Variants in MDGA2 observed in about 807,000 individuals in gnomAD.
MDGA2 encodes MAM domain containing glycosylphosphatidylinositol anchor 2.
A neutral mutation model predicts 117.8 loss-of-function variants in MDGA2; 40 were observed. The ratio of observed to expected loss-of-function variants is 0.34; its 90% CI spans 0.26 to 0.44. The LOEUF (loss-of-function observed/expected upper bound fraction) is 0.44. Among genes scored for constraint, MDGA2 ranks in the 20% least tolerant of loss-of-function variants. The pLI is 1.00. For missense variants in MDGA2, 1,123 were observed against 1,250.6 expected (o/e 0.90, Z 1.54); for synonymous variants, 452 against 439.0 (o/e 1.03, Z -0.37).
chr14:47,453,568 G>T (rs889692688), intron 1 of MDGA2, among the ~76,000 whole-genome samples: 1 of 151,944 alleles, frequency 6.6e-6, no homozygotes, highest in Non-Finnish European at 1.5e-5. Flanking sequence ...ACTCTTCTTG[G>T]TAATTTCTTA....
At chr14:47,655,729 T>C (rs532588102) in intron 1 of MDGA2, among the ~76,000 whole-genome samples, 15 of 152,130 alleles carry the variant, frequency 9.9e-5, no homozygotes, top group Non-Finnish European at 1.5e-4. Flanking sequence ...CAGAACACTT[T>C]AGATCTAAGA....
At chr14:47,170,824 A>T (rs1359281953) in intron 3 of MDGA2, among the ~76,000 whole-genome samples, 1 of 152,094 alleles carries the variant, frequency 6.6e-6, no homozygotes, top group East Asian at 1.9e-4. Flanking sequence ...ATTCAGCTGT[A>T]TTTTCATTTT....
intron 3 of MDGA2, among the ~76,000 whole-genome samples, chr14:47,185,860 G>A (rs1011240156): frequency 2.6e-5 from 4 of 151,100 alleles, no homozygotes; most frequent in East Asian, 1.9e-4. Context: ...ATATTTAGTC[G>A]CATTAAGATA....
chr14:47,200,670 GT>G, intron 3 of MDGA2: 1 of 1,117,704 alleles, frequency 8.9e-7, no homozygotes, highest in Non-Finnish European at 1.3e-6. Context: ...CTCAAGAGCT[GT>G]TTCTTCTTCC....
intron 2 of MDGA2, among the ~76,000 whole-genome samples, chr14:47,301,083 A>G (rs1284658140): frequency 1.3e-5 from 2 of 152,176 alleles, no homozygotes; most frequent in Non-Finnish European, 2.9e-5. Flanking sequence ...TTGCCATATG[A>G]ATTGTTATCC....
At chr14:47,507,649 C>G (rs946570690) in intron 1 of MDGA2, among the ~76,000 whole-genome samples, 2 of 152,190 alleles carry the variant, frequency 1.3e-5, no homozygotes, top group Middle Eastern at 3.4e-3. Flanking sequence ...TCAACTTGTC[C>G]CTAGTGATAT....
At chr14:47,518,478 T>C (rs573258348) in intron 1 of MDGA2, among the ~76,000 whole-genome samples, 1 of 152,284 alleles carries the variant, frequency 6.6e-6, no homozygotes, top group East Asian at 1.9e-4. Context: ...AACAAAACAT[T>C]AAGCTTTTTA....
At chr14:46,888,838 T>C (rs1882767284) in intron 10 of MDGA2, among the ~76,000 whole-genome samples, 1 of 151,918 alleles carries the variant, frequency 6.6e-6, no homozygotes, top group South Asian at 2.1e-4. Context: ...CATATATGTG[T>C]GTTTATTTCA....
chr14:47,301,317 ACACAG>A, intron 2 of MDGA2, 89 bp downstream of exon 2: 4 of 1,243,502 alleles, frequency 3.2e-6, no homozygotes, highest in Non-Finnish European at 4.4e-6. Context: ...ACACACACAC[ACACAG>A]TTTTAGCTAA....
intron 14 of MDGA2, among the ~76,000 whole-genome samples, chr14:46,856,719 C>A (rs990357184): frequency 6.6e-6 from 1 of 151,920 alleles, no homozygotes; most frequent in South Asian, 2.1e-4. Flanking sequence ...GTTTGCATTT[C>A]TTTCTTCTGT....
At position 47,674,989 on chromosome 14, in the gene MDGA2, TGCGGCG is replaced by T. The variant is rs914380334; in HGVS notation, c.-199_-194del. 3 of 343,132 alleles carry T rather than the reference TGCGGCG, an allele frequency of 8.7e-6. No homozygotes were observed. The highest frequency in any genetic ancestry group is 1.6e-5 in the Non-Finnish European group (3 of 192,296). The allele number at this position is 343,132 out of a possible 1,614,324, so 21.3% of individuals were successfully genotyped here. A position where few individuals can be genotyped will look rare whatever the true frequency, so the allele number is the denominator to read the frequency against. ...GGAAGCGGGCTCGAGTCTCCGCAGC[TGCGGCG>T]GCGGCGGCGGCGCGCTGGGCCGGCG... On this transcript the variant is annotated 5_prime_UTR_variant, in exon 1 of 17. Coordinates refer to ENST00000399232, the MANE Select transcript of MDGA2 (RefSeq NM_001113498.3).
intron 1 of MDGA2, among the ~76,000 whole-genome samples, chr14:47,376,790 G>C (rs780285988): frequency 6.6e-6 from 1 of 152,054 alleles, no homozygotes; most frequent in Non-Finnish European, 1.5e-5. Flanking sequence ...AGGGAACTAA[G>C]ACACTGTAGA....
intron 6 of MDGA2, among the ~76,000 whole-genome samples, chr14:47,079,727 A>T (rs974125098): frequency 2.5e-5 from 2 of 80,072 alleles, no homozygotes; most frequent in Non-Finnish European, 2.1e-5. Context: ...TTTTCTACTA[A>T]TTTTTTTTTT....
intron 10 of MDGA2, among the ~76,000 whole-genome samples, chr14:46,888,244 T>C (rs2138409922): frequency 6.6e-6 from 1 of 152,042 alleles, no homozygotes; most frequent in African/African-American, 2.4e-5. Context: ...CTAAATGCAA[T>C]GTTTGCACAT....
intron 10 of MDGA2, 149 bp downstream of exon 10, chr14:46,919,863 T>G (rs1004395103): frequency 6.4e-6 from 4 of 626,054 alleles, no homozygotes; most frequent in Admixed American, 4.1e-5. Context: ...ATACATAGGG[T>G]GAAAACATAT....
At chr14:47,628,015 C>G (rs897314768) in intron 1 of MDGA2, among the ~76,000 whole-genome samples, 2 of 152,158 alleles carry the variant, frequency 1.3e-5, no homozygotes, top group African/African-American at 4.8e-5. Flanking sequence ...GACCAACAAC[C>G]CACCAATTCC....
chr14:47,097,727 A>G (rs1338596668), intron 5 of MDGA2, among the ~76,000 whole-genome samples: 1 of 152,018 alleles, frequency 6.6e-6, no homozygotes, highest in Non-Finnish European at 1.5e-5. Context: ...TCACTTACAA[A>G]GGTCTAGGCA....
At chr14:47,454,741 G>T (rs970942546) in intron 1 of MDGA2, among the ~76,000 whole-genome samples, 4 of 152,190 alleles carry the variant, frequency 2.6e-5, no homozygotes, top group African/African-American at 9.7e-5. Flanking sequence ...ACCTGAAAGT[G>T]TGTTGAATGA....
intron 1 of MDGA2, among the ~76,000 whole-genome samples, chr14:47,605,726 G>A (rs1372313230): frequency 1.3e-5 from 2 of 151,958 alleles, no homozygotes; most frequent in Admixed American, 1.3e-4. Flanking sequence ...TCCAAAAATT[G>A]AGGACTGATA....
Sources: allele counts gnomAD v4.1 joint callset (sites outside exome capture counted in the v4.1 genomes callset), GRCh38; gene constraint gnomAD v4.1.1; transcripts MANE v1.5; gene names NCBI Gene and HGNC (gene_info 2026-07-23, HGNC 2026-07-21).